Variants in NRXN1 observed in about 807,000 individuals in gnomAD.
NRXN1 encodes neurexin-1.
A neutral mutation model predicts 150.9 loss-of-function variants in NRXN1; 39 were observed. The ratio of observed to expected loss-of-function variants is 0.26; its 90% CI spans 0.20 to 0.34. NRXN1 has a LOEUF of 0.34. Ranked by LOEUF, NRXN1 falls within the 10% of genes least tolerant of loss-of-function variation. The pLI is 1.00. For missense variants in NRXN1, 1,815 were observed against 1,949.9 expected (o/e 0.93, Z 1.30); for synonymous variants, 924 against 757.0 (o/e 1.22, Z -3.62).
At chr2:50,977,289 A>C (rs192807852) in intron 2 of NRXN1, among the ~76,000 whole-genome samples, 1 of 151,932 alleles carries the variant, frequency 6.6e-6, no homozygotes. Flanking sequence ...ATTTTGCTCA[A>C]TATTTCATAA....
chr2:50,318,094 G>A (rs1270335249), intron 17 of NRXN1, among the ~76,000 whole-genome samples: 2 of 151,808 alleles, frequency 1.3e-5, no homozygotes, highest in African/African-American at 4.8e-5. Context: ...AAAATATAAT[G>A]AATTCTAAGC....
intron 17 of NRXN1, among the ~76,000 whole-genome samples, chr2:50,445,221 G>A (rs2086294452): frequency 6.6e-6 from 1 of 152,142 alleles, no homozygotes; most frequent in Non-Finnish European, 1.5e-5. Context: ...CATCAGGAGA[G>A]ATAAAGAGTA....
rs996563263 is a variant in NRXN1, at chr2:50,387,810, C to G, written c.3364+77632G>C. 2.6e-5 allele frequency among the ~76,000 whole-genome samples: 4 copies of G among 152,148 alleles called. No individual in the cohort carries two copies. The East Asian group carries it at 7.7e-4, about 29-fold the overall frequency. Reference sequence around the variant, plus strand: ...ACTCGATTACTTTTAAAATAATCAGCACCATTATGAACTCCCAGGAGGCTG... The same window carrying G: ...ACTCGATTACTTTTAAAATAATCAGGACCATTATGAACTCCCAGGAGGCTG... On this transcript the variant is annotated intron_variant, in intron 17 of 22. Transcript: ENST00000401669.
intron 21 of NRXN1, among the ~76,000 whole-genome samples, chr2:49,982,820 T>C (rs1280679502): frequency 6.6e-6 from 1 of 152,174 alleles, no homozygotes; most frequent in Admixed American, 6.5e-5. Context: ...ATTTTTTTCA[T>C]AACATAAGTG....
chr2:50,166,893 A>C (rs1318043802), intron 18 of NRXN1, among the ~76,000 whole-genome samples: 1 of 152,140 alleles, frequency 6.6e-6, no homozygotes, highest in Non-Finnish European at 1.5e-5. Flanking sequence ...GATGTTTAAA[A>C]CATTTGTTGA....
At chr2:50,424,710 T>C (rs2084339953) in intron 17 of NRXN1, among the ~76,000 whole-genome samples, 1 of 152,170 alleles carries the variant, frequency 6.6e-6, no homozygotes, top group Non-Finnish European at 1.5e-5. Flanking sequence ...CTAAGCTTTG[T>C]AAAGAATTCA....
At chr2:50,543,356 T>C (rs749136234) in intron 9 of NRXN1, among the ~76,000 whole-genome samples, 1 of 152,160 alleles carries the variant, frequency 6.6e-6, no homozygotes, top group Non-Finnish European at 1.5e-5. Flanking sequence ...CAGGGTTTCA[T>C]GCTTCACTAT....
At chr2:50,278,382 C>T (rs1364212358) in intron 17 of NRXN1, among the ~76,000 whole-genome samples, 1 of 144,522 alleles carries the variant, frequency 6.9e-6, no homozygotes, top group Non-Finnish European at 1.5e-5. Flanking sequence ...GAACACCTGA[C>T]CTCAAGTGCT....
chr2:50,621,194 A>G, intron 7 of NRXN1, 32 bp downstream of exon 7: 1 of 1,548,472 alleles, frequency 6.5e-7, no homozygotes, highest in African/African-American at 1.4e-5. Flanking sequence ...AACAATTAGA[A>G]TGATATCTAC....
At chr2:50,936,530 A>T (rs1283020345) in intron 2 of NRXN1, among the ~76,000 whole-genome samples, 1 of 152,202 alleles carries the variant, frequency 6.6e-6, no homozygotes, top group Non-Finnish European at 1.5e-5. Flanking sequence ...GCTGCTAGTA[A>T]ATGTAGCTTG....
chr2:50,264,254 A>G (rs1033458593), intron 17 of NRXN1, among the ~76,000 whole-genome samples: 1 of 152,120 alleles, frequency 6.6e-6, no homozygotes, highest in Non-Finnish European at 1.5e-5. Flanking sequence ...AAAGAAACAA[A>G]GAAAATCAGT....
chr2:50,647,561 T>C (rs1684999010), intron 5 of NRXN1, among the ~76,000 whole-genome samples: 1 of 152,012 alleles, frequency 6.6e-6, no homozygotes, highest in South Asian at 2.1e-4. Context: ...AAATGCAAAG[T>C]AGCGCATACT....
intron 19 of NRXN1, among the ~76,000 whole-genome samples, chr2:50,070,597 C>T (rs1310747049): frequency 1.3e-5 from 2 of 151,592 alleles, no homozygotes; most frequent in Admixed American, 6.6e-5. Flanking sequence ...GGTGAAACCC[C>T]GTCTCTACTA....
chr2:50,504,140 T>TAAAAAAAAAAAAAAAAAA (rs70948715), intron 13 of NRXN1, among the ~76,000 whole-genome samples: 2 of 112,412 alleles, frequency 1.8e-5, no homozygotes, highest in Admixed American at 9.5e-5. Flanking sequence ...ACATGACAAC[T>TAAAAAAAAAAAAAAAAAA]AAAAAAAAAA....
Position 50,496,108 on chromosome 2 carries a change from TGAAAGAGGG to T in NRXN1, c.2880-22_2880-14del, listed in dbSNP as rs755734707. The T allele has an allele frequency of 8.2e-6, 13 of 1,576,244 alleles. No homozygotes were observed. The Admixed American group carries it at 2.4e-4, about 29-fold the overall frequency. On this transcript the variant is annotated splice_polypyrimidine_tract_variant and intron_variant, in intron 14 of 22. Coordinates refer to ENST00000401669, the MANE Select transcript of NRXN1 (RefSeq NM_001330078.2). ...GTAATGTAAGTACCTGGGAAAAAAA[TGAAAGAGGG>T]GAAAGTGCCATCACTTTTTAAATTT...
chr2:50,019,660 A>G, intron 21 of NRXN1, among the ~76,000 whole-genome samples: 1 of 107,630 alleles, frequency 9.3e-6, no homozygotes, highest in Non-Finnish European at 1.9e-5. Context: ...AAAAAAAAAA[A>G]AGGAGGCTGG....
intron 17 of NRXN1, among the ~76,000 whole-genome samples, chr2:50,309,818 A>C (rs918173943): frequency 9.2e-5 from 14 of 152,122 alleles, no homozygotes; most frequent in Non-Finnish European, 1.9e-4. Context: ...CACTACAGAG[A>C]TGTCCTGAGA....
At chr2:50,500,760 A>T (rs955911841) in intron 13 of NRXN1, among the ~76,000 whole-genome samples, 1 of 152,216 alleles carries the variant, frequency 6.6e-6, no homozygotes, top group African/African-American at 2.4e-5. Flanking sequence ...CAATATTTCC[A>T]AGTCAAATAT....
intron 2 of NRXN1, among the ~76,000 whole-genome samples, chr2:50,934,286 A>G (rs116195056): frequency 0.021 from 3,178 of 152,264 alleles, 97 homozygotes; most frequent in East Asian, 0.079. Context: ...ATAATTTGAT[A>G]AGATCATCAA....
Sources: allele counts gnomAD v4.1 joint callset (sites outside exome capture counted in the v4.1 genomes callset), GRCh38; gene constraint gnomAD v4.1.1; transcripts MANE v1.5; gene names NCBI Gene and HGNC (gene_info 2026-07-23, HGNC 2026-07-21).